Variants in CAMK2G observed in about 807,000 individuals in gnomAD.
CAMK2G encodes the protein calcium/calmodulin-dependent protein kinase type II subunit gamma.
Under a neutral mutation model 88.7 loss-of-function variants are expected in CAMK2G, and 23 were observed. The ratio of observed to expected loss-of-function variants is 0.26; its 90% confidence interval spans 0.19 to 0.37. CAMK2G has a LOEUF of 0.37. Ranked by LOEUF, CAMK2G falls within the 10% of genes least tolerant of loss-of-function variation. CAMK2G has a pLI of 1.00. For synonymous variants in CAMK2G, 263 were observed against 294.8 expected (o/e 0.89, Z 1.11); for missense variants, 476 against 780.8 (o/e 0.61, Z 4.65).
At chr10:73,840,129 G>T (rs1413818092) in intron 12 of CAMK2G, among the ~76,000 whole-genome samples, 1 of 152,136 alleles carries the variant, frequency 6.6e-6, no homozygotes. Context: ...GTTTACTGGT[G>T]GGCCCCAGCT....
Position 73,848,910 on chromosome 10 carries a change from C to G in CAMK2G, c.517+103G>C. ...TACGGCCAAGAGAGATCTCGGAGGC[C>G]AGGACCATTAAGGGTCTGGCTTCTA... On this transcript the variant is annotated intron_variant, in intron 7 of 22. Coordinates refer to ENST00000423381, the MANE Select transcript of CAMK2G (RefSeq NM_001367534.1). The surrounding 1 kb of genome is among the most constrained non-coding windows in gnomAD (Gnocchi z 4.5). 1.2e-6 allele frequency: 1 copy of G among 816,080 alleles called. No individual in the cohort carries two copies. The allele number at this position is 816,080 out of a possible 1,614,324, so 50.6% of individuals were successfully genotyped here.
intron 14 of CAMK2G, among the ~76,000 whole-genome samples, chr10:73,831,133 A>C (rs1243162267): frequency 1.3e-5 from 2 of 152,166 alleles, no homozygotes; most frequent in Non-Finnish European, 2.9e-5. Context: ...ATAAGTTGTT[A>C]TTTACCTGTT....
chr10:73,861,982 C>T (rs535585863), intron 2 of CAMK2G, among the ~76,000 whole-genome samples: 1 of 152,280 alleles, frequency 6.6e-6, no homozygotes, highest in South Asian at 2.1e-4. Flanking sequence ...TGCTTCTCCC[C>T]GGAGTCCTCT....
chr10:73,818,899 G>C, intron 19 of CAMK2G: 3 of 446,772 alleles, frequency 6.7e-6, no homozygotes, highest in South Asian at 4.7e-5. Context: ...GACGTAACTA[G>C]AAATATGAGG....
intron 14 of CAMK2G, among the ~76,000 whole-genome samples, chr10:73,835,707 A>C (rs1227816528): frequency 1.3e-5 from 2 of 152,096 alleles, no homozygotes; most frequent in Admixed American, 1.3e-4. Flanking sequence ...TGATCCAACC[A>C]TATTTTTGAC....
At chr10:73,853,347 A>G in intron 3 of CAMK2G, 101 bp from the exon 4 acceptor site, 1 of 1,025,464 alleles carries the variant, frequency 9.8e-7, no homozygotes, top group Non-Finnish European at 1.5e-6. Context: ...TGTCGGGCTC[A>G]CAGGGCTCTC....
At chr10:73,816,275 T>C (rs1309360214) in intron 21 of CAMK2G, 1 of 990,388 alleles carries the variant, frequency 1.0e-6, no homozygotes, top group Non-Finnish European at 1.2e-6. Flanking sequence ...AGGAAGATTC[T>C]AGCCACAACT....
At chr10:73,819,119 T>C (rs2086819578) in intron 19 of CAMK2G, among the ~76,000 whole-genome samples, 2 of 152,138 alleles carry the variant, frequency 1.3e-5, no homozygotes, top group African/African-American at 4.8e-5. Context: ...ATGCTCTTAA[T>C]ACTGTTATGC....
intron 14 of CAMK2G, among the ~76,000 whole-genome samples, chr10:73,836,029 T>C (rs55853606): frequency 0.016 from 2,390 of 151,950 alleles, 33 homozygotes; most frequent in Non-Finnish European, 0.023. Flanking sequence ...AGACGGAGTT[T>C]CACCAGGTTG....
intron 16 of CAMK2G, 49 bp from the exon 17 acceptor site, chr10:73,824,133 G>A: frequency 6.7e-7 from 1 of 1,485,072 alleles, no homozygotes; most frequent in Non-Finnish European, 9.4e-7. Context: ...ACAGACTATG[G>A]CTCTTCCCTG....
At chr10:73,852,222 G>A (rs781236514) in intron 5 of CAMK2G, 32 bp downstream of exon 5, 2 of 1,571,976 alleles carry the variant, frequency 1.3e-6, no homozygotes, top group East Asian at 2.2e-5. Flanking sequence ...AAACTCCAGA[G>A]CTACATTTGA....
intron 14 of CAMK2G, among the ~76,000 whole-genome samples, chr10:73,832,590 C>G (rs975780640): frequency 3.9e-5 from 6 of 152,164 alleles, no homozygotes; most frequent in African/African-American, 1.4e-4. Flanking sequence ...CAGGCGTGAG[C>G]CACCGTGCCT....
chr10:73,841,675 C>G (rs1310718862), intron 12 of CAMK2G, among the ~76,000 whole-genome samples: 1 of 152,148 alleles, frequency 6.6e-6, no homozygotes, highest in Non-Finnish European at 1.5e-5. Flanking sequence ...ATTTTAAGCA[C>G]AAGTCGCCAC....
At chr10:73,837,673 G>C (rs902274233) in intron 13 of CAMK2G, among the ~76,000 whole-genome samples, 162 bp from the exon 14 acceptor site, 13 of 152,158 alleles carry the variant, frequency 8.5e-5, no homozygotes, top group South Asian at 2.1e-4. Flanking sequence ...CAGCAAGAAG[G>C]GGATCTTGAG....
At chr10:73,853,376 G>C in intron 3 of CAMK2G, 130 bp from the exon 4 acceptor site, 1 of 786,998 alleles carries the variant, frequency 1.3e-6, no homozygotes, top group Non-Finnish European at 2.1e-6. Flanking sequence ...GCAGTGGGGG[G>C]AAGTGGCGAC....
At chr10:73,816,743 G>A in intron 21 of CAMK2G, 1 of 1,382,922 alleles carries the variant, frequency 7.2e-7, no homozygotes, top group Non-Finnish European at 9.5e-7. Context: ...ACAGGCGTAA[G>A]CCACCGCGCC....
At chr10:73,840,382 C>A (rs1386470458) in intron 12 of CAMK2G, among the ~76,000 whole-genome samples, 2 of 152,212 alleles carry the variant, frequency 1.3e-5, no homozygotes, top group South Asian at 2.1e-4. Flanking sequence ...CAAAAAACAG[C>A]CCTAGAGAAA....
intron 2 of CAMK2G, among the ~76,000 whole-genome samples, chr10:73,869,637 C>T (rs1435266476): frequency 6.6e-6 from 1 of 152,214 alleles, no homozygotes; most frequent in Non-Finnish European, 1.5e-5. Context: ...TCAGGCACTT[C>T]GCTAGGGCCT....
intron 14 of CAMK2G, among the ~76,000 whole-genome samples, chr10:73,835,021 C>A (rs2093025582): frequency 6.6e-6 from 1 of 152,186 alleles, no homozygotes; most frequent in South Asian, 2.1e-4. Context: ...TGCGCTCTTC[C>A]CTCTGCCTGG....
Sources: gnomAD v4.1 joint callset for allele counts (sites outside exome capture counted in the v4.1 genomes callset) on GRCh38, gnomAD v4.1.1 for gene constraint, Gnocchi (gnomAD v3.1) non-coding constraint, MANE v1.5 for transcripts, NCBI Gene and HGNC (gene_info 2026-07-23, HGNC 2026-07-21) for gene names.